Variants in LRMDA observed in about 807,000 individuals in gnomAD.
The protein encoded by LRMDA is leucine rich melanocyte differentiation associated, also known as leucine-rich melanocyte differentiation-associated protein.
A neutral mutation model predicts 29.8 loss-of-function variants in LRMDA; 18 were observed. The ratio of observed to expected loss-of-function variants is 0.60; its 90% CI spans 0.42 to 0.90. LRMDA has a LOEUF of 0.90. LRMDA is among the 40% of genes least tolerant of loss of function. The probability of loss-of-function intolerance (pLI) is 0.00; values close to 1 mark genes in which losing one functional copy is unlikely to be tolerated. For missense variants in LRMDA, 273 were observed against 273.9 expected (o/e 1.00, Z 0.02); for synonymous variants, 125 against 109.4 (o/e 1.14, Z -0.89).
At chr10:75,778,301 C>T (rs748990115) in intron 2 of LRMDA, among the ~76,000 whole-genome samples, 19 of 152,154 alleles carry the variant, frequency 1.2e-4, no homozygotes, top group Admixed American at 2.6e-4. Flanking sequence ...TGATCTCGAA[C>T]TCCTGGCCTC....
intron 6 of LRMDA, among the ~76,000 whole-genome samples, chr10:76,411,166 T>C (rs1184078550): frequency 2.0e-5 from 3 of 152,190 alleles, no homozygotes; most frequent in Admixed American, 6.5e-5. Context: ...AAAAGGAAAA[T>C]GCGAGCTGAT....
At chr10:76,323,453 T>G (rs1356958184) in intron 5 of LRMDA, among the ~76,000 whole-genome samples, 1 of 152,130 alleles carries the variant, frequency 6.6e-6, no homozygotes. Flanking sequence ...TTGGAAAGAT[T>G]GTTAGCTTCG....
intron 2 of LRMDA, among the ~76,000 whole-genome samples, chr10:75,819,527 T>C (rs1844120305): frequency 6.6e-6 from 1 of 152,204 alleles, no homozygotes. Context: ...TTGCCTTACC[T>C]TTTTTTGACT....
intron 2 of LRMDA, among the ~76,000 whole-genome samples, chr10:75,563,878 C>T (rs1202349132): frequency 5.9e-4 from 90 of 151,582 alleles, no homozygotes; most frequent in Non-Finnish European, 1.2e-3. Context: ...GCTGTCTGAT[C>T]GTTCCTCTGG....
chr10:75,921,003 C>A (rs1234638748), intron 2 of LRMDA, among the ~76,000 whole-genome samples: 1 of 152,136 alleles, frequency 6.6e-6, no homozygotes, highest in African/African-American at 2.4e-5. Flanking sequence ...CATCCAATAA[C>A]TTTAAAACCA....
intron 5 of LRMDA, among the ~76,000 whole-genome samples, chr10:76,072,289 C>T (rs970150169): frequency 1.3e-5 from 2 of 152,154 alleles, no homozygotes; most frequent in African/African-American, 4.8e-5. Context: ...TAATCCCTCT[C>T]CACCACTTAA....
intron 2 of LRMDA, among the ~76,000 whole-genome samples, chr10:75,935,619 AG>A (rs1846276917): frequency 6.6e-6 from 1 of 152,228 alleles, no homozygotes; most frequent in African/African-American, 2.4e-5. Context: ...TCACAGAGAA[AG>A]GTTCCCAAAC....
chr10:75,672,558 CCCCTCCCCTT>C (rs1276228918), intron 2 of LRMDA, among the ~76,000 whole-genome samples: 4 of 15,038 alleles, frequency 2.7e-4, no homozygotes, highest in African/African-American at 8.1e-4. Context: ...CCCCTCCCCT[CCCCTCCCCTT>C]CCCTTCCCTT....
At chr10:76,187,906 A>G (rs1283145188) in intron 5 of LRMDA, among the ~76,000 whole-genome samples, 2 of 152,176 alleles carry the variant, frequency 1.3e-5, no homozygotes, top group Non-Finnish European at 2.9e-5. Context: ...TACATGTGCA[A>G]GAAAATGAGG....
intron 2 of LRMDA, among the ~76,000 whole-genome samples, chr10:75,653,289 A>G (rs779447615): frequency 6.6e-6 from 1 of 152,182 alleles, no homozygotes; most frequent in Non-Finnish European, 1.5e-5. Flanking sequence ...ACCTGCCCTC[A>G]ATTCCTTTGC....
At chr10:75,523,727 C>T (rs369184977) in intron 2 of LRMDA, among the ~76,000 whole-genome samples, 15 of 152,178 alleles carry the variant, frequency 9.9e-5, no homozygotes, top group African/African-American at 3.6e-4. Context: ...AGTAATAATA[C>T]CTGGGCATCG....
At chr10:76,379,841 A>T (rs1841568248) in intron 6 of LRMDA, among the ~76,000 whole-genome samples, 1 of 152,210 alleles carries the variant, frequency 6.6e-6, no homozygotes. Flanking sequence ...GAATATAGGC[A>T]TTTAATGCCA....
At chr10:76,305,181 T>A (rs1043760198) in intron 5 of LRMDA, among the ~76,000 whole-genome samples, 1 of 151,744 alleles carries the variant, frequency 6.6e-6, no homozygotes, top group African/African-American at 2.4e-5. Flanking sequence ...AGCAGAGGAG[T>A]TTCTGTGGCC....
At chr10:76,142,905 T>C (rs2132152517) in intron 5 of LRMDA, among the ~76,000 whole-genome samples, 1 of 151,602 alleles carries the variant, frequency 6.6e-6, no homozygotes, top group South Asian at 2.1e-4. Context: ...TGTGTTCTCA[T>C]TGTTCAATTC....
chr10:76,254,595 T>G (rs1852556849), intron 5 of LRMDA, among the ~76,000 whole-genome samples: 1 of 152,210 alleles, frequency 6.6e-6, no homozygotes, highest in South Asian at 2.1e-4. Context: ...TTTGATCATG[T>G]TGGCATTTGT....
chr10:76,448,321 A>G (rs1161964939), intron 6 of LRMDA, among the ~76,000 whole-genome samples: 1 of 152,144 alleles, frequency 6.6e-6, no homozygotes, highest in African/African-American at 2.4e-5. Flanking sequence ...TTAATGTCCC[A>G]ACATATGGAG....
intron 5 of LRMDA, among the ~76,000 whole-genome samples, chr10:76,148,693 A>G (rs1850380191): frequency 6.6e-6 from 1 of 152,126 alleles, no homozygotes; most frequent in South Asian, 2.1e-4. Context: ...CGCTGCACCC[A>G]CTGTCCTGCA....
In LRMDA at chr10:75,880,119, C is replaced by T. The variant is rs137891940; in HGVS notation, c.132-155889C>T. Among the ~76,000 whole-genome samples, 1,476 of 152,238 alleles carry T rather than the reference C, an allele frequency of 9.7e-3. 26 individuals are homozygous for T. The highest frequency in any genetic ancestry group is 0.034 in the African/African-American group (1,401 of 41,530). On this transcript the variant is annotated intron_variant, in intron 2 of 6. Transcript: ENST00000611255. ...CCTTTGTTTGCGTGTCATCAGTGTC[C>T]AATGAGTAGTATGTGTTTCTTCCAG...
chr10:76,399,498 A>G (rs979903715), intron 6 of LRMDA, among the ~76,000 whole-genome samples: 1 of 152,252 alleles, frequency 6.6e-6, no homozygotes, highest in Admixed American at 6.5e-5. Flanking sequence ...TCTTTATCCA[A>G]TCACATGCCA....
Sources: allele counts gnomAD v4.1 joint callset (sites outside exome capture counted in the v4.1 genomes callset), GRCh38; gene constraint gnomAD v4.1.1; transcripts MANE v1.5; gene names NCBI Gene and HGNC (gene_info 2026-07-23, HGNC 2026-07-21).